KCNC2: variants seen among roughly 807,000 people sequenced by gnomAD.
The protein encoded by KCNC2 is potassium voltage-gated channel subfamily C member 2.
Under a neutral mutation model 44.5 loss-of-function variants are expected in KCNC2, and 21 were observed. The ratio of observed to expected loss-of-function variants is 0.47; its 90% CI spans 0.33 to 0.68. The LOEUF (loss-of-function observed/expected upper bound fraction) is 0.68. Among genes scored for constraint, KCNC2 ranks in the 30% least tolerant of loss-of-function variants. The pLI is 0.01. For synonymous variants in KCNC2, 391 were observed against 339.1 expected, an observed-to-expected ratio of 1.15 and a Z score of -1.68; for missense variants, 589 against 826.2, an observed-to-expected ratio of 0.71 and a Z score of 3.52.
At chr12:75,051,513 T>C (rs1209356078) in intron 2 of KCNC2, among the ~76,000 whole-genome samples, 196 bp from the exon 3 acceptor site, 1 of 152,116 alleles carries the variant, frequency 6.6e-6, no homozygotes, top group Non-Finnish European at 1.5e-5. Context: ...GTATTTCAGG[T>C]TCTGTTTTCA....
intron 2 of KCNC2, among the ~76,000 whole-genome samples, chr12:75,184,789 A>G (rs1334401685): frequency 6.6e-6 from 1 of 152,222 alleles, no homozygotes; most frequent in Non-Finnish European, 1.5e-5. Context: ...TGATGCATTG[A>G]CTGAAGAGCC....
At chr12:75,191,332 G>GA (rs1432790757) in intron 2 of KCNC2, among the ~76,000 whole-genome samples, 1 of 151,042 alleles carries the variant, frequency 6.6e-6, no homozygotes, top group Non-Finnish European at 1.5e-5. Flanking sequence ...AGTCTTTGGG[G>GA]AAAAAAAGAC....
chr12:75,151,377 T>C (rs1016158211), intron 2 of KCNC2, among the ~76,000 whole-genome samples: 2 of 151,996 alleles, frequency 1.3e-5, no homozygotes, highest in African/African-American at 4.8e-5. Flanking sequence ...TCGGAGAATT[T>C]AATCTAAAGC....
At chr12:75,176,263 CCTT>C (rs1471970856) in intron 2 of KCNC2, among the ~76,000 whole-genome samples, 5 of 152,016 alleles carry the variant, frequency 3.3e-5, no homozygotes, top group Admixed American at 1.3e-4. Flanking sequence ...CCACTCCAGC[CCTT>C]CTTCTCTCCT....
chr12:75,187,673 C>T (rs890701767), intron 2 of KCNC2, among the ~76,000 whole-genome samples: 1 of 152,142 alleles, frequency 6.6e-6, no homozygotes, highest in Admixed American at 6.6e-5. Flanking sequence ...ATGGAGCAGA[C>T]TGTTATTTAA....
chr12:75,143,572 A>C (rs1470112638), intron 2 of KCNC2, among the ~76,000 whole-genome samples: 1 of 152,202 alleles, frequency 6.6e-6, no homozygotes, highest in Non-Finnish European at 1.5e-5. Flanking sequence ...TGTTATTAAA[A>C]TAACAGGCTC....
In KCNC2 at chr12:75,136,120, A is replaced by G. The variant is rs138859422; in HGVS notation, c.687+71177T>C. 1.4e-3 allele frequency among the ~76,000 whole-genome samples: 206 copies of G among 152,196 alleles called. 1 individual carries two copies. Among genetic ancestry groups the G allele is most frequent in the African/African-American group, 4.6e-3 (192 of 41,556 alleles). ...CAGCCTACAATAACACCAAATTTAAAAGATTTTCAAAATACATGAAAATAG... is the reference window on the plus strand; with the variant it reads ...CAGCCTACAATAACACCAAATTTAAGAGATTTTCAAAATACATGAAAATAG... On this transcript the variant is annotated intron_variant, in intron 2 of 4. Transcript: ENST00000549446.
intron 1 of KCNC2, 43 bp from the exon 2 acceptor site, chr12:75,208,045 G>T (rs1472284810): frequency 1.3e-6 from 2 of 1,599,086 alleles, no homozygotes; most frequent in South Asian, 1.1e-5. Context: ...GATCTTAGCC[G>T]TCAAAGACAC....
intron 2 of KCNC2, among the ~76,000 whole-genome samples, chr12:75,074,377 G>A (rs1157638561): frequency 2.0e-5 from 3 of 151,658 alleles, no homozygotes; most frequent in Non-Finnish European, 4.4e-5. Flanking sequence ...GAGGGTAGAA[G>A]AAAACGGTCA....
At chr12:75,189,809 G>C (rs965942638) in intron 2 of KCNC2, among the ~76,000 whole-genome samples, 1 of 152,160 alleles carries the variant, frequency 6.6e-6, no homozygotes, top group African/African-American at 2.4e-5. Context: ...AGCAGCAATA[G>C]AGGGTTGTCA....
At chr12:75,124,545 A>G (rs1057508811) in intron 2 of KCNC2, among the ~76,000 whole-genome samples, 2 of 152,206 alleles carry the variant, frequency 1.3e-5, no homozygotes, top group Non-Finnish European at 2.9e-5. Flanking sequence ...GAAATAAGCC[A>G]TGGCACAGGT....
rs774251047 is a variant in KCNC2 at position 75,198,670 on chromosome 12, G to A, written c.687+8627C>T. Among the ~76,000 whole-genome samples, 8 of 151,680 alleles carry A rather than the reference G, an allele frequency of 5.3e-5. No homozygotes were observed. The East Asian group carries it at 5.8e-4, about 11-fold the overall frequency. On this transcript the variant is annotated intron_variant, in intron 2 of 4. Transcript: ENST00000549446. Reference sequence around the variant, plus strand: ...CAATGATTATTATGCCATCATTTCCGGTACAATTATTATACAATATTCACT... The same window carrying A: ...CAATGATTATTATGCCATCATTTCCAGTACAATTATTATACAATATTCACT...
Position 75,040,140 on chromosome 12 carries a change from C to T in KCNC2, c.*2965G>A, listed in dbSNP as rs1879745638. The stretch of plus-strand genomic sequence containing the variant: ...ATCCCCAGCTCATTTGCCTTTTATT[C>T]TTCATTTCAGTTAGTTACATTTCCA... On this transcript the variant is annotated 3_prime_UTR_variant, in exon 5 of 5. Coordinates refer to ENST00000549446, the MANE Select transcript of KCNC2 (RefSeq NM_139137.4). The T allele has an allele frequency of 6.6e-6, 1 of 151,986 alleles. No homozygotes were observed. The highest frequency in any genetic ancestry group is 2.4e-5 in the African/African-American group (1 of 41,422). 9.4% of individuals were successfully genotyped at this position (151,986 alleles called of 1,614,324 possible).
intron 2 of KCNC2, among the ~76,000 whole-genome samples, chr12:75,058,945 C>A (rs761226948): frequency 5.9e-5 from 9 of 152,040 alleles, no homozygotes; most frequent in Non-Finnish European, 1.2e-4. Flanking sequence ...CTCCTCTTTG[C>A]TAATCAGCTT....
intron 2 of KCNC2, among the ~76,000 whole-genome samples, chr12:75,140,587 A>C (rs1162774937): frequency 6.6e-6 from 1 of 152,192 alleles, no homozygotes; most frequent in Non-Finnish European, 1.5e-5. Context: ...ACGTTAAAAA[A>C]TATCCTTCAA....
chr12:75,120,197 A>G (rs1170969339), intron 2 of KCNC2, among the ~76,000 whole-genome samples: 6 of 152,226 alleles, frequency 3.9e-5, no homozygotes, highest in Admixed American at 3.9e-4. Flanking sequence ...ATTATCCCCA[A>G]ATACTCTATC....
intron 2 of KCNC2, among the ~76,000 whole-genome samples, chr12:75,176,595 C>G (rs1429212793): frequency 1.3e-5 from 2 of 151,942 alleles, no homozygotes; most frequent in Admixed American, 1.3e-4. Flanking sequence ...TGTTGTGGTT[C>G]TTCTCTCCAC....
chr12:75,086,724 A>G (rs987322524), intron 2 of KCNC2, among the ~76,000 whole-genome samples: 22 of 149,556 alleles, frequency 1.5e-4, no homozygotes, highest in Non-Finnish European at 2.8e-4. Context: ...ATCTTAAGTC[A>G]TATATAAATA....
intron 2 of KCNC2, among the ~76,000 whole-genome samples, chr12:75,055,326 C>CA (rs34351452): frequency 4.2e-4 from 64 of 151,526 alleles, no homozygotes; most frequent in South Asian, 1.5e-3. Context: ...AATATTGAAG[C>CA]AAAAAAAAAA....
Sources: gnomAD v4.1 joint callset for allele counts (sites outside exome capture counted in the v4.1 genomes callset) on GRCh38, gnomAD v4.1.1 for gene constraint, MANE v1.5 for transcripts, NCBI Gene and HGNC (gene_info 2026-07-23, HGNC 2026-07-21) for gene names.